Variants in PIK3CB observed in about 807,000 individuals in gnomAD.
The protein encoded by PIK3CB is phosphatidylinositol 4,5-bisphosphate 3-kinase catalytic subunit beta isoform.
A neutral mutation model predicts 136.8 loss-of-function variants in PIK3CB; 39 were observed. The ratio of observed to expected loss-of-function variants is 0.29; its 90% CI spans 0.22 to 0.37. The LOEUF (loss-of-function observed/expected upper bound fraction) is 0.37. Ranked by LOEUF, PIK3CB falls within the 10% of genes least tolerant of loss-of-function variation. The probability of loss-of-function intolerance (pLI) is 1.00; values close to 1 mark genes in which losing one functional copy is unlikely to be tolerated. For synonymous variants in PIK3CB, 428 were observed against 436.6 expected, an observed-to-expected ratio of 0.98 and a Z score of 0.25; for missense variants, 868 against 1,275.4, an observed-to-expected ratio of 0.68 and a Z score of 4.87.
At chr3:138,812,046 G>C in intron 1 of PIK3CB, among the ~76,000 whole-genome samples, 1 of 151,872 alleles carries the variant, frequency 6.6e-6, no homozygotes, top group East Asian at 1.9e-4. Context: ...AGTTATGATC[G>C]TACCACTATG....
chr3:138,808,830 A>C (rs1206431238), intron 1 of PIK3CB, among the ~76,000 whole-genome samples: 2 of 151,686 alleles, frequency 1.3e-5, no homozygotes, highest in African/African-American at 4.8e-5. Context: ...AATATATTAG[A>C]CTATATAACA....
At chr3:138,690,723 C>CAAA (rs533393475) in intron 15 of PIK3CB, among the ~76,000 whole-genome samples, 125 of 84,640 alleles carry the variant, frequency 1.5e-3, no homozygotes, top group African/African-American at 5.1e-3. Context: ...AAAACACACA[C>CAAA]AAAAAAAAAA....
chr3:138,746,341 A>ATT (rs78641968), intron 4 of PIK3CB, among the ~76,000 whole-genome samples: 1 of 151,890 alleles, frequency 6.6e-6, no homozygotes, highest in East Asian at 1.9e-4. Flanking sequence ...TGTTACCTTG[A>ATT]TTTTTTTTAT....
intron 2 of PIK3CB, among the ~76,000 whole-genome samples, chr3:138,790,713 C>T (rs1035979645): frequency 7.3e-5 from 11 of 150,474 alleles, no homozygotes; most frequent in Non-Finnish European, 1.2e-4. Context: ...ACTCGGGAGG[C>T]TGAGGCAGGA....
rs775191739 is a variant in PIK3CB at position 138,733,431 on chromosome 3, C to A, written c.980G>T (p.Trp327Leu). The change falls in exon 8 of 24, where the codon TGG becomes TTG. Residue 327 changes from tryptophan (W) to leucine (L), a missense_variant. Coordinates refer to ENST00000674063, the MANE Select transcript of PIK3CB (RefSeq NM_006219.3). ...AATTTGGAAAGGGTTGTTATTTTCCCAAACATGCTGTAAAAGAATAAAATA... is the reference window on the plus strand; with the variant it reads ...AATTTGGAAAGGGTTGTTATTTTCCAAAACATGCTGTAAAAGAATAAAATA... ...PKKTRIISHVWENNNPFQIVL... is the reference protein window; with the variant it reads ...PKKTRIISHVLENNNPFQIVL... The A allele has an allele frequency of 1.6e-5, 24 of 1,489,220 alleles. No individual in the cohort carries two copies. In the African/African-American group the frequency reaches 1.9e-4, roughly 12 times the overall value. The allele number at this position is 1,489,220 out of a possible 1,614,324, so 92.3% of individuals were successfully genotyped here. A position where few individuals can be genotyped will look rare whatever the true frequency, so the allele number is the denominator to read the frequency against.
At chr3:138,762,249 C>A (rs191499624) in intron 2 of PIK3CB, among the ~76,000 whole-genome samples, 3 of 151,214 alleles carry the variant, frequency 2.0e-5, no homozygotes, top group Non-Finnish European at 4.4e-5. Context: ...AAATCCATCT[C>A]AAAAAAAACA....
intron 1 of PIK3CB, among the ~76,000 whole-genome samples, chr3:138,798,399 G>A (rs2046133129): frequency 2.0e-5 from 3 of 152,032 alleles, no homozygotes; most frequent in African/African-American, 4.8e-5. Context: ...TCCTGACCTC[G>A]TGATCCACCC....
chr3:138,764,512 C>T (rs1375890820), intron 2 of PIK3CB, among the ~76,000 whole-genome samples: 1 of 152,106 alleles, frequency 6.6e-6, no homozygotes, highest in Non-Finnish European at 1.5e-5. Flanking sequence ...CACCTATAAT[C>T]CTAGCACTTT....
At chr3:138,809,995 T>C (rs1157450764) in intron 1 of PIK3CB, among the ~76,000 whole-genome samples, 1 of 151,868 alleles carries the variant, frequency 6.6e-6, no homozygotes, top group African/African-American at 2.4e-5. Flanking sequence ...GTAATGTAAC[T>C]AAAAAAGTGT....
chr3:138,767,472 G>T (rs1288892590), intron 2 of PIK3CB, among the ~76,000 whole-genome samples: 13 of 152,196 alleles, frequency 8.5e-5, no homozygotes, highest in Non-Finnish European at 2.9e-5. Flanking sequence ...TTGGGGTGTT[G>T]TTTTTCTGGC....
rs150426860 is a variant in PIK3CB at position 138,680,251 on chromosome 3, G to A, written c.2504+1716C>T. Reference sequence around the variant, plus strand: ...TGGGTGCCTGTAATCCCAGCTACTCGCGAGGCTGAGGCAGGAGAATCACTT... The same window carrying A: ...TGGGTGCCTGTAATCCCAGCTACTCACGAGGCTGAGGCAGGAGAATCACTT... On this transcript the variant is annotated intron_variant, in intron 19 of 23. Coordinates refer to ENST00000674063, the MANE Select transcript of PIK3CB (RefSeq NM_006219.3). Among the ~76,000 whole-genome samples, 738 of 151,728 alleles carry A rather than the reference G, an allele frequency of 4.9e-3. 3 individuals carry two copies. Among genetic ancestry groups the A allele is most frequent in the African/African-American group, 0.014 (568 of 41,398 alleles).
At chr3:138,775,551 C>T (rs1194185989) in intron 2 of PIK3CB, among the ~76,000 whole-genome samples, 2 of 152,030 alleles carry the variant, frequency 1.3e-5, no homozygotes, top group Non-Finnish European at 1.5e-5. Flanking sequence ...ACAGAGTACC[C>T]GCCTGAACTT....
chr3:138,725,634 G>A (rs1443246341), intron 8 of PIK3CB, among the ~76,000 whole-genome samples: 2 of 152,192 alleles, frequency 1.3e-5, no homozygotes, highest in East Asian at 3.9e-4. Flanking sequence ...GGTCCATTCA[G>A]TGTATTTTTA....
intron 4 of PIK3CB, among the ~76,000 whole-genome samples, chr3:138,746,183 A>G (rs973343163): frequency 6.6e-6 from 1 of 151,794 alleles, no homozygotes; most frequent in Non-Finnish European, 1.5e-5. Context: ...GAGGGCAAGG[A>G]TACAGCCTGG....
intron 13 of PIK3CB, among the ~76,000 whole-genome samples, chr3:138,697,158 T>C (rs1055664111): frequency 6.6e-6 from 1 of 152,192 alleles, no homozygotes; most frequent in Admixed American, 6.5e-5. Context: ...ATGCATTTCT[T>C]AGATATGTAC....
intron 1 of PIK3CB, among the ~76,000 whole-genome samples, chr3:138,807,018 G>A (rs1397812635): frequency 6.6e-6 from 1 of 152,190 alleles, no homozygotes; most frequent in African/African-American, 2.4e-5. Context: ...GTTAACTACT[G>A]TTATAAATAT....
chr3:138,738,404 CT>C (rs761558790), intron 5 of PIK3CB, among the ~76,000 whole-genome samples: 1 of 152,124 alleles, frequency 6.6e-6, no homozygotes, highest in Non-Finnish European at 1.5e-5. Flanking sequence ...AACTCCTGAC[CT>C]TGTGATCCGC....
intron 4 of PIK3CB, among the ~76,000 whole-genome samples, chr3:138,751,259 C>A (rs2045466258): frequency 6.6e-6 from 1 of 151,928 alleles, no homozygotes; most frequent in Non-Finnish European, 1.5e-5. Flanking sequence ...GAGATTGAGA[C>A]CATCCTGGCT....
chr3:138,757,620 G>C (rs1019324503), intron 3 of PIK3CB, among the ~76,000 whole-genome samples: 11 of 144,912 alleles, frequency 7.6e-5, no homozygotes, highest in African/African-American at 2.6e-4. Flanking sequence ...AGAAGGGAGG[G>C]AGGGAGAGAG....
Sources: allele counts gnomAD v4.1 joint callset (sites outside exome capture counted in the v4.1 genomes callset), GRCh38; gene constraint gnomAD v4.1.1; transcripts MANE v1.5; gene names NCBI Gene and HGNC (gene_info 2026-07-23, HGNC 2026-07-21).